PAPPA: variants seen among roughly 807,000 people sequenced by gnomAD.
The protein encoded by PAPPA is pappalysin-1.
Under a neutral mutation model 164.0 loss-of-function variants are expected in PAPPA, and 60 were observed. The observed-to-expected ratio is 0.37, with a 90% CI of 0.30 to 0.45. PAPPA has a LOEUF of 0.45. Ranked by LOEUF, PAPPA falls within the 20% of genes least tolerant of loss-of-function variation. The probability of loss-of-function intolerance (pLI) is 1.00; values close to 1 mark genes in which losing one functional copy is unlikely to be tolerated. For missense variants in PAPPA, 1,782 were observed against 2,087.3 expected, an observed-to-expected ratio of 0.85 and a Z score of 2.85; for synonymous variants, 875 against 814.1, an observed-to-expected ratio of 1.07 and a Z score of -1.27.
At chr9:116,314,305 G>A (rs749107190) in intron 10 of PAPPA, among the ~76,000 whole-genome samples, 17 of 151,882 alleles carry the variant, frequency 1.1e-4, no homozygotes, top group African/African-American at 2.2e-4. Context: ...TCCTGATCTC[G>A]TGATCCACCT....
chr9:116,229,861 A>G (rs1258236688), intron 6 of PAPPA, among the ~76,000 whole-genome samples: 5 of 152,116 alleles, frequency 3.3e-5, no homozygotes, highest in Admixed American at 2.0e-4. Flanking sequence ...TGGGGTTGAG[A>G]GGTACTTGGA....
intron 10 of PAPPA, among the ~76,000 whole-genome samples, chr9:116,306,775 G>A (rs191670861): frequency 6.6e-6 from 1 of 152,272 alleles, no homozygotes; most frequent in East Asian, 1.9e-4. Context: ...AAAATGAGAT[G>A]TTGATATTCC....
chr9:116,297,569 A>T (rs1179390289), intron 9 of PAPPA, among the ~76,000 whole-genome samples: 3 of 152,250 alleles, frequency 2.0e-5, no homozygotes, highest in African/African-American at 7.2e-5. Context: ...CAGCTAAGTT[A>T]ATTATTGTCC....
intron 9 of PAPPA, among the ~76,000 whole-genome samples, chr9:116,301,768 C>T (rs10513272): frequency 0.15 from 23,292 of 152,124 alleles, 2,228 homozygotes; most frequent in Non-Finnish European, 0.22. Flanking sequence ...CTAGGGTATC[C>T]GACAAGCCCT....
chr9:116,328,681 A>G (rs190421521), intron 10 of PAPPA, among the ~76,000 whole-genome samples: 365 of 152,330 alleles, frequency 2.4e-3, no homozygotes, highest in Admixed American at 4.8e-3. Flanking sequence ...TATATATACA[A>G]CAGGTGAGTG....
chr9:116,249,578 T>A (rs1333391537), intron 7 of PAPPA, among the ~76,000 whole-genome samples: 1 of 151,984 alleles, frequency 6.6e-6, no homozygotes, highest in Non-Finnish European at 1.5e-5. Context: ...GAGGCATAGA[T>A]CAAAATGGTA....
intron 14 of PAPPA, among the ~76,000 whole-genome samples, chr9:116,346,218 C>T (rs1330325840): frequency 6.6e-6 from 1 of 152,188 alleles, no homozygotes; most frequent in Admixed American, 6.5e-5. Context: ...TGAAAGCCTC[C>T]AGGCTGCAAT....
intron 7 of PAPPA, among the ~76,000 whole-genome samples, chr9:116,257,703 A>T (rs1039274296): frequency 6.6e-6 from 1 of 152,052 alleles, no homozygotes; most frequent in East Asian, 1.9e-4. Context: ...CTCCGTCTCA[A>T]AAAACAAAAA....
At chr9:116,395,330 T>G (rs573303871) in intron 21 of PAPPA, among the ~76,000 whole-genome samples, 1 of 151,388 alleles carries the variant, frequency 6.6e-6, no homozygotes, top group Non-Finnish European at 1.5e-5. Flanking sequence ...AAAGAAGAGG[T>G]AGACATTGAG....
chr9:116,389,513 C>T (rs1846862447), intron 21 of PAPPA, among the ~76,000 whole-genome samples: 1 of 152,130 alleles, frequency 6.6e-6, no homozygotes, highest in Non-Finnish European at 1.5e-5. Flanking sequence ...TTTGCCCACC[C>T]ACATTGCTTC....
Position 116,260,743 on chromosome 9 carries a change from T to TA in PAPPA, c.2733-5104dup, listed in dbSNP as rs34078778. ...CCTTCCCAGATTCTTCTTTCATAGT[T>TA]AAAAAAAAAATGGGTGGACAGAAAG... On this transcript the variant is annotated intron_variant, in intron 7 of 21. Transcript: ENST00000328252. 1.4e-3 allele frequency among the ~76,000 whole-genome samples: 203 copies of TA among 150,094 alleles called. 4 individuals carry two copies. Among genetic ancestry groups the TA allele is most frequent in the Admixed American group, 0.01 (152 of 15,040 alleles).
chr9:116,233,366 T>C (rs1844621759), intron 6 of PAPPA, among the ~76,000 whole-genome samples: 1 of 152,184 alleles, frequency 6.6e-6, no homozygotes, highest in Non-Finnish European at 1.5e-5. Flanking sequence ...TACATGTGTG[T>C]CAACATCCCA....
intron 10 of PAPPA, among the ~76,000 whole-genome samples, chr9:116,319,546 T>C (rs568190280): frequency 7.9e-5 from 12 of 152,126 alleles, no homozygotes; most frequent in Non-Finnish European, 1.5e-4. Flanking sequence ...GTGGGGTGGG[T>C]GATGAATCTC....
chr9:116,360,699 C>G (rs1210153885), intron 17 of PAPPA, among the ~76,000 whole-genome samples: 1 of 152,108 alleles, frequency 6.6e-6, no homozygotes, highest in African/African-American at 2.4e-5. Context: ...CCAATTCACC[C>G]CATCTTTTCG....
chr9:116,292,675 A>G (rs1274808862), intron 9 of PAPPA, among the ~76,000 whole-genome samples: 1 of 152,214 alleles, frequency 6.6e-6, no homozygotes, highest in African/African-American at 2.4e-5. Context: ...GCAGATATTT[A>G]GTAGAGATAT....
rs1185245445 is a variant in PAPPA, at chr9:116,154,472, C to A, written c.300C>A (p.Ser100Arg). 5.4e-6 allele frequency: 7 copies of A among 1,298,340 alleles called. No homozygotes were observed. The South Asian group carries it at 1.1e-4, about 20-fold the overall frequency. The allele number at this position is 1,298,340 out of a possible 1,614,324, so 80.4% of individuals were successfully genotyped here. Reference sequence around the variant, plus strand: ...CGCCGAGCCGGGCGCTCTATTTCAGCGGGCGAGGCGAGCAGCTGCGCCTCC... The same window carrying A: ...CGCCGAGCCGGGCGCTCTATTTCAGAGGGCGAGGCGAGCAGCTGCGCCTCC... ...PSPPSRALYFSGRGEQLRLRA... is the reference protein window; with the variant it reads ...PSPPSRALYFRGRGEQLRLRA... The change falls in exon 1 of 22, where the codon AGC (serine) becomes AGA (arginine). Residue 100 changes from serine (S) to arginine (R), a missense_variant. Physicochemically the swap from Ser to Arg is moderately radical, Grantham distance 110 (BLOSUM62 -1). Transcript: ENST00000328252. The surrounding 1 kb of genome is among the most constrained non-coding windows in gnomAD (Gnocchi z 5.2).
chr9:116,250,041 GT>G (rs1379423310), intron 7 of PAPPA, among the ~76,000 whole-genome samples: 8 of 151,872 alleles, frequency 5.3e-5, no homozygotes, highest in East Asian at 3.9e-4. Context: ...GTGTGTGTGT[GT>G]GTGTGTGTGT....
chr9:116,301,851 G>T (rs1845583044), intron 9 of PAPPA, among the ~76,000 whole-genome samples: 1 of 152,222 alleles, frequency 6.6e-6, no homozygotes, highest in Non-Finnish European at 1.5e-5. Flanking sequence ...TGCTCTGATG[G>T]TTGAGCCCAG....
At chr9:116,354,535 G>T (rs1338461982) in intron 17 of PAPPA, among the ~76,000 whole-genome samples, 1 of 152,110 alleles carries the variant, frequency 6.6e-6, no homozygotes, top group African/African-American at 2.4e-5. Flanking sequence ...TCTTCAATCA[G>T]TCTTTATTGG....
Sources: gnomAD v4.1 joint callset for allele counts (sites outside exome capture counted in the v4.1 genomes callset) on GRCh38, gnomAD v4.1.1 for gene constraint, Gnocchi (gnomAD v3.1) non-coding constraint, MANE v1.5 for transcripts, NCBI Gene and HGNC (gene_info 2026-07-23, HGNC 2026-07-21) for gene names.